ZFYVE28: variants seen among roughly 807,000 people sequenced by gnomAD.
The protein encoded by ZFYVE28 is zinc finger FYVE-type containing 28, also known as lateral signaling target protein 2 homolog.
ZFYVE28 carries 40 observed loss-of-function variants against 82.1 expected under a neutral mutation model. That is an observed-to-expected ratio of 0.49 (90% CI 0.38 to 0.63). The LOEUF (loss-of-function observed/expected upper bound fraction) is 0.63. ZFYVE28 is among the 30% of genes least tolerant of loss of function. The pLI is 0.00. For synonymous variants in ZFYVE28, 612 were observed against 546.1 expected (o/e 1.12, Z -1.68); for missense variants, 1,321 against 1,242.1 (o/e 1.06, Z -0.96).
At chr4:2,314,895 T>C (rs1269505279) in intron 7 of ZFYVE28, among the ~76,000 whole-genome samples, 1 of 152,126 alleles carries the variant, frequency 6.6e-6, no homozygotes, top group African/African-American at 2.4e-5. Flanking sequence ...CCTCCCACCT[T>C]AGCCTCCTGA....
In ZFYVE28 at chr4:2,335,868, C is replaced by G; in HGVS notation, c.612-74G>C. On this transcript the variant is annotated intron_variant, in intron 5 of 12. Coordinates refer to ENST00000290974, the MANE Select transcript of ZFYVE28 (RefSeq NM_020972.3). This position sits in a 1 kb window ranked among gnomAD's most constrained non-coding sequence, Gnocchi z 5.8. ...GCCACAGGTTGGACCCCAGCAGGGA[C>G]AGGCAGTGCGCTCAATCTGTACCTG... 7.6e-7 allele frequency: 1 copy of G among 1,322,412 alleles called. No homozygotes were observed. Among genetic ancestry groups the G allele is most frequent in the South Asian group, 1.3e-5 (1 of 79,204 alleles). The allele number at this position is 1,322,412 out of a possible 1,614,324, so 81.9% of individuals were successfully genotyped here.
chr4:2,319,734 C>T (rs1221595418), intron 7 of ZFYVE28, among the ~76,000 whole-genome samples: 1 of 150,984 alleles, frequency 6.6e-6, no homozygotes, highest in Non-Finnish European at 1.5e-5. Context: ...AGACGTAAAC[C>T]AGTAACTAAA....
intron 6 of ZFYVE28, among the ~76,000 whole-genome samples, chr4:2,325,592 C>CTTTTTTTTTTTTTTTTTT (rs58460729): frequency 1.6e-5 from 2 of 122,228 alleles, no homozygotes; most frequent in Non-Finnish European, 3.3e-5. Flanking sequence ...TTAAATCTTA[C>CTTTTTTTTTTTTTTTTTT]TTTTTTTTTT....
chr4:2,342,321 C>T (rs1273179912), intron 2 of ZFYVE28, among the ~76,000 whole-genome samples: 4 of 152,186 alleles, frequency 2.6e-5, no homozygotes, highest in African/African-American at 4.8e-5. Flanking sequence ...GGCTGTTCAA[C>T]GAGGGACAGG....
In ZFYVE28 at chr4:2,341,360, G is replaced by C; in HGVS notation, c.318+118C>G. On this transcript the variant is annotated intron_variant, in intron 3 of 12. Coordinates refer to ENST00000290974, the MANE Select transcript of ZFYVE28 (RefSeq NM_020972.3). This position sits in a 1 kb window ranked among gnomAD's most constrained non-coding sequence, Gnocchi z 4.5. ...CACCACGTAACCCAGAGTGGACGGA[G>C]CTCTTGGAGGAGACACCAGGTCCCG... 14 of 1,387,832 alleles carry C rather than the reference G, an allele frequency of 1.0e-5. No homozygotes were observed. The highest frequency in any genetic ancestry group is 1.4e-5 in the Non-Finnish European group (14 of 1,012,068). 86.0% of individuals were successfully genotyped at this position (1,387,832 alleles called of 1,614,324 possible).
chr4:2,275,355 C>T (rs1736320352), intron 8 of ZFYVE28, among the ~76,000 whole-genome samples: 1 of 152,196 alleles, frequency 6.6e-6, no homozygotes, highest in Non-Finnish European at 1.5e-5. Flanking sequence ...TCATTTTAAA[C>T]TAATTTATCT....
chr4:2,411,426 A>G (rs1338836804), intron 1 of ZFYVE28, among the ~76,000 whole-genome samples: 1 of 152,262 alleles, frequency 6.6e-6, no homozygotes, highest in African/African-American at 2.4e-5. Context: ...AAAAATATCC[A>G]TTCACTTTTG....
At position 2,417,047 on chromosome 4, in the gene ZFYVE28, C is replaced by T. The variant is rs1284099543; in HGVS notation, c.39+1238G>A. 1.3e-5 allele frequency among the ~76,000 whole-genome samples: 2 copies of T among 152,238 alleles called. No individual in the cohort carries two copies. The highest frequency in any genetic ancestry group is 6.5e-5 in the Admixed American group (1 of 15,290). On this transcript the variant is annotated intron_variant, in intron 1 of 12. Transcript: ENST00000290974. The surrounding 1 kb of genome is among the most constrained non-coding windows in gnomAD (Gnocchi z 4.8). Reference sequence around the variant, plus strand: ...TTTCAGGAAACCTCTGCCGTGACAGCTCACCCACGGTGGAGGCGGAGGCCT... The same window carrying T: ...TTTCAGGAAACCTCTGCCGTGACAGTTCACCCACGGTGGAGGCGGAGGCCT...
Position 2,409,658 on chromosome 4 carries a change from G to A in ZFYVE28, c.39+8627C>T, listed in dbSNP as rs556620098. On this transcript the variant is annotated intron_variant, in intron 1 of 12. Transcript: ENST00000290974. The surrounding 1 kb of genome is among the most constrained non-coding windows in gnomAD (Gnocchi z 4.4). ...TTCCCACTGAGCAGCCCATGCCGGC[G>A]CTGTGAGAAGGCTGAGTCCAGTACA... 2.0e-5 allele frequency among the ~76,000 whole-genome samples: 3 copies of A among 152,396 alleles called. No individual in the cohort carries two copies. In the South Asian group the frequency reaches 6.2e-4, roughly 32 times the overall value.
At chr4:2,395,888 G>A (rs1374020771) in intron 1 of ZFYVE28, among the ~76,000 whole-genome samples, 1 of 152,184 alleles carries the variant, frequency 6.6e-6, no homozygotes, top group African/African-American at 2.4e-5. Context: ...TTGGCGCCAG[G>A]GGGTTCCTTG....
intron 2 of ZFYVE28, among the ~76,000 whole-genome samples, chr4:2,350,563 T>G (rs1724264807): frequency 2.0e-5 from 3 of 152,154 alleles, no homozygotes; most frequent in African/African-American, 4.8e-5. Flanking sequence ...CCTTGGACTC[T>G]CCAGAGTGAT....
rs779521485 is a variant in ZFYVE28, at chr4:2,271,369, G to A, written c.2474C>T (p.Ala825Val). The A allele has an allele frequency of 3.7e-6, 6 of 1,612,628 alleles. No individual in the cohort carries two copies. Among genetic ancestry groups the A allele is most frequent in the Middle Eastern group, 3.3e-4 (2 of 6,062 alleles). ...GATGACGGTGAAGGGTGCTTTGCACGCCGTGCAGAAGCCACAGGCCTCGTC... is the reference window on the plus strand; with the variant it reads ...GATGACGGTGAAGGGTGCTTTGCACACCGTGCAGAAGCCACAGGCCTCGTC... ...VPDEACGFCT[A>V]CKAPFTVIRR... is the part of the protein sequence containing the mutation. The change falls in exon 12 of 13, where the codon GCG becomes GTG. Residue 825 changes from alanine to valine, a missense_variant. Ala to Val is a moderately conservative substitution (Grantham distance 64). Coordinates refer to ENST00000290974, the MANE Select transcript of ZFYVE28 (RefSeq NM_020972.3).
intron 1 of ZFYVE28, among the ~76,000 whole-genome samples, chr4:2,357,542 C>A (rs991337844): frequency 5.3e-5 from 8 of 152,190 alleles, no homozygotes; most frequent in Admixed American, 5.2e-4. Context: ...CTTATGGCCC[C>A]AAACCTGCCC....
At chr4:2,357,040 A>G (rs940543939) in intron 1 of ZFYVE28, among the ~76,000 whole-genome samples, 5 of 152,044 alleles carry the variant, frequency 3.3e-5, no homozygotes, top group African/African-American at 1.2e-4. Flanking sequence ...TTACAGGTGT[A>G]ATCCCACCAC....
At chr4:2,342,946 G>A (rs140239624) in intron 2 of ZFYVE28, 9 of 152,318 alleles carry the variant, frequency 5.9e-5, no homozygotes, top group African/African-American at 1.7e-4. Context: ...TTCAGCCAAC[G>A]TTGAGACGAT....
intron 6 of ZFYVE28, among the ~76,000 whole-genome samples, chr4:2,331,477 A>AT (rs201288792): frequency 2.6e-4 from 39 of 149,934 alleles, no homozygotes; most frequent in Middle Eastern, 3.4e-3. Flanking sequence ...CCCTGTCTCT[A>AT]TTTTTTTTTT....
rs141682211 is a variant in ZFYVE28 at position 2,305,360 on chromosome 4, G to A, written c.980C>T (p.Pro327Leu). ...CATGGAGCAGGCCAGCTCTGCATCC[G>A]GGTCTTTGGCCTTAGCTGAGAGTGG... ...EGPLSAKAKDPDAELACSMQY... is the reference protein window; with the variant it reads ...EGPLSAKAKDLDAELACSMQY... Residue 327 changes from proline to leucine, a missense_variant, in exon 8 of 13, where the codon CCG becomes CTG. Around this residue, in one of 2 missense-constraint regions of ZFYVE28, gnomAD observed 978 missense variants for 833.7 expected, o/e 1.17. Transcript: ENST00000290974. 1.0e-3 allele frequency: 1,634 copies of A among 1,612,734 alleles called. No homozygotes were observed. The highest frequency in any genetic ancestry group is 1.3e-3 in the Non-Finnish European group (1,551 of 1,179,738).
chr4:2,398,427 A>G (rs1270257482), intron 1 of ZFYVE28, among the ~76,000 whole-genome samples: 2 of 152,228 alleles, frequency 1.3e-5, no homozygotes, highest in Non-Finnish European at 2.9e-5. Context: ...CGGGGCTGCT[A>G]CATGGTTGCT....
Position 2,381,481 on chromosome 4 carries a change from A to C in ZFYVE28, c.40-27408T>G, listed in dbSNP as rs138289714. 9.8e-3 allele frequency among the ~76,000 whole-genome samples: 1,493 copies of C among 152,268 alleles called. 26 individuals are homozygous for C. Among genetic ancestry groups the C allele is most frequent in the Admixed American group, 0.031 (468 of 15,286 alleles). On this transcript the variant is annotated intron_variant, in intron 1 of 12. Transcript: ENST00000290974. ...GAGTGCAATGGTGTGACCTTGGCTG[A>C]CTGCAACCTCTGCTTCCCAGGTTCA...
Sources: gnomAD v4.1 joint callset for allele counts (sites outside exome capture counted in the v4.1 genomes callset) on GRCh38, gnomAD v4.1.1 for gene constraint, gnomAD v4.1.1 regional missense constraint, Gnocchi (gnomAD v3.1) non-coding constraint, MANE v1.5 for transcripts, NCBI Gene and HGNC (gene_info 2026-07-23, HGNC 2026-07-21) for gene names.